Variants in GRXCR1 observed in about 807,000 individuals in gnomAD.
GRXCR1 encodes the protein glutaredoxin and cysteine rich domain containing 1, also known as glutaredoxin domain-containing cysteine-rich protein 1.
A neutral mutation model predicts 27.3 loss-of-function variants in GRXCR1; 27 were observed. The ratio of observed to expected loss-of-function variants is 0.99; its 90% CI spans 0.73 to 1.37. The LOEUF (loss-of-function observed/expected upper bound fraction) is 1.37. GRXCR1 is among the 40% of genes most tolerant of loss of function. The probability of loss-of-function intolerance (pLI) is 0.00; values close to 1 mark genes in which losing one functional copy is unlikely to be tolerated. For missense variants in GRXCR1, 379 were observed against 354.4 expected, an observed-to-expected ratio of 1.07 and a Z score of -0.56; for synonymous variants, 122 against 131.1, an observed-to-expected ratio of 0.93 and a Z score of 0.47.
At chr4:42,949,084 G>A (rs570704054) in intron 1 of GRXCR1, among the ~76,000 whole-genome samples, 15 of 152,106 alleles carry the variant, frequency 9.9e-5, no homozygotes, top group Admixed American at 6.5e-5. Flanking sequence ...GGCCAGGCCC[G>A]GTGGCTCACG....
At chr4:43,024,694 T>C (rs376223360) in intron 3 of GRXCR1, among the ~76,000 whole-genome samples, 1 of 152,326 alleles carries the variant, frequency 6.6e-6, no homozygotes, top group East Asian at 1.9e-4. Flanking sequence ...GAAACACTGA[T>C]GATCAGAAAA....
chr4:42,973,337 A>G (rs1193210901), intron 2 of GRXCR1, among the ~76,000 whole-genome samples: 3 of 152,138 alleles, frequency 2.0e-5, no homozygotes, highest in Admixed American at 6.6e-5. Flanking sequence ...TTAGTTTTCT[A>G]TTGTGATCCA....
At chr4:42,957,226 C>G (rs1400959594) in intron 1 of GRXCR1, among the ~76,000 whole-genome samples, 1 of 152,042 alleles carries the variant, frequency 6.6e-6, no homozygotes, top group Non-Finnish European at 1.5e-5. Context: ...TACCCACGCA[C>G]TATGCTTTCC....
chr4:42,996,333 T>G (rs1034935939), intron 2 of GRXCR1, among the ~76,000 whole-genome samples: 2 of 152,174 alleles, frequency 1.3e-5, no homozygotes, highest in African/African-American at 4.8e-5. Context: ...ATACACATTA[T>G]GGCAGGATAG....
At chr4:42,960,211 A>C (rs1406491746) in intron 1 of GRXCR1, among the ~76,000 whole-genome samples, 1 of 152,044 alleles carries the variant, frequency 6.6e-6, no homozygotes, top group African/African-American at 2.4e-5. Flanking sequence ...AAAGTATTTC[A>C]GAACAAATAA....
At chr4:43,017,090 T>G (rs1199606678) in intron 2 of GRXCR1, among the ~76,000 whole-genome samples, 1 of 152,214 alleles carries the variant, frequency 6.6e-6, no homozygotes, top group Admixed American at 6.5e-5. Flanking sequence ...TATGCAATTA[T>G]TCTAAATAAC....
rs1711721837 is a variant in GRXCR1 at position 42,986,307 on chromosome 4, GA to G, written c.627+23175del. On this transcript the variant is annotated intron_variant, in intron 2 of 3. Coordinates refer to ENST00000399770, the MANE Select transcript of GRXCR1 (RefSeq NM_001080476.3). The stretch of plus-strand genomic sequence containing the variant: ...CTCCAGCAGTAAGACTTAAAATGCT[GA>G]AGTGAGGGGCTCATTGTGAGCTTTT... Among the ~76,000 whole-genome samples, 4 of 152,330 alleles carry G rather than the reference GA, an allele frequency of 2.6e-5. No individual in the cohort carries two copies. The East Asian group carries it at 7.7e-4, about 29-fold the overall frequency.
chr4:42,955,905 G>T (rs553500838), intron 1 of GRXCR1, among the ~76,000 whole-genome samples: 2 of 152,184 alleles, frequency 1.3e-5, no homozygotes, highest in African/African-American at 4.8e-5. Flanking sequence ...CTGAGGAGCT[G>T]AGCCTGCTCC....
At chr4:42,929,792 G>A (rs181239254) in intron 1 of GRXCR1, among the ~76,000 whole-genome samples, 13 of 151,916 alleles carry the variant, frequency 8.6e-5, no homozygotes, top group Admixed American at 5.2e-4. Flanking sequence ...CCTTGATATA[G>A]CAATAATAAT....
intron 2 of GRXCR1, among the ~76,000 whole-genome samples, chr4:42,970,504 A>T (rs1360158839): frequency 6.6e-6 from 1 of 152,056 alleles, no homozygotes; most frequent in Non-Finnish European, 1.5e-5. Context: ...TGCAGGCCCA[A>T]CACCATGTGG....
chr4:42,964,796 A>G (rs924474832), intron 2 of GRXCR1, among the ~76,000 whole-genome samples: 2 of 152,054 alleles, frequency 1.3e-5, no homozygotes, highest in Admixed American at 1.3e-4. Flanking sequence ...GGATGGATGA[A>G]TTATGCTATA....
rs1385958093 is a variant in GRXCR1 at position 42,988,547 on chromosome 4, T to C, written c.627+25413T>C. On this transcript the variant is annotated intron_variant, in intron 2 of 3. Transcript: ENST00000399770. ...AATTCATACTGTATTATTAGGAAAT[T>C]GGAATAAAAGTAGAATTAAATGTTC... 1.3e-5 allele frequency among the ~76,000 whole-genome samples: 2 copies of C among 152,212 alleles called. 1 individual carries two copies. The highest frequency in any genetic ancestry group is 4.1e-4 in the South Asian group (2 of 4,830).
At chr4:43,010,358 G>A (rs543911782) in intron 2 of GRXCR1, among the ~76,000 whole-genome samples, 2 of 149,866 alleles carry the variant, frequency 1.3e-5, no homozygotes, top group African/African-American at 2.5e-5. Flanking sequence ...AGCCGAGATC[G>A]CACCATTGCA....
intron 1 of GRXCR1, among the ~76,000 whole-genome samples, chr4:42,938,528 G>GGTT (rs1747512128): frequency 6.6e-6 from 1 of 151,862 alleles, no homozygotes; most frequent in African/African-American, 2.4e-5. Context: ...TCTCTATAGT[G>GGTT]GTTGTACTCA....
At chr4:42,989,277 C>T (rs1711881285) in intron 2 of GRXCR1, among the ~76,000 whole-genome samples, 1 of 152,064 alleles carries the variant, frequency 6.6e-6, no homozygotes, top group Non-Finnish European at 1.5e-5. Flanking sequence ...CAGGTGGCTG[C>T]CTTCTTGGGG....
At chr4:42,948,272 G>A (rs1172890439) in intron 1 of GRXCR1, among the ~76,000 whole-genome samples, 1 of 149,676 alleles carries the variant, frequency 6.7e-6, no homozygotes, top group Non-Finnish European at 1.5e-5. Flanking sequence ...AAAGCATATT[G>A]CAAGATAAGA....
At chr4:42,981,709 T>C (rs1748673324) in intron 2 of GRXCR1, among the ~76,000 whole-genome samples, 2 of 152,168 alleles carry the variant, frequency 1.3e-5, no homozygotes, top group Admixed American at 1.3e-4. Context: ...GTATTCTTGG[T>C]TGACAGTTTT....
At chr4:43,025,105 C>A (rs1560692318) in intron 3 of GRXCR1, among the ~76,000 whole-genome samples, 1 of 152,096 alleles carries the variant, frequency 6.6e-6, no homozygotes. Flanking sequence ...TGGGGGTAAA[C>A]TTACATCTTG....
rs1399974325 is a variant in GRXCR1, at chr4:42,963,071, A to T, written c.564A>T (p.Arg188=). The change falls in exon 2 of 4, where the codon CGA becomes CGT. Residue 188 remains arginine, a synonymous_variant. Coordinates refer to ENST00000399770, the MANE Select transcript of GRXCR1 (RefSeq NM_001080476.3). ...NGEYGKELDE[R]CRRVSEAPSL... ...AATATGGAAAAGAGTTAGACGAACGATGCCGACGAGTTTCTGAAGCTCCTT... is the reference window on the plus strand; with the variant it reads ...AATATGGAAAAGAGTTAGACGAACGTTGCCGACGAGTTTCTGAAGCTCCTT... 1 of 1,612,792 alleles carries T rather than the reference A, an allele frequency of 6.2e-7. No homozygotes were observed. The highest frequency in any genetic ancestry group is 8.5e-7 in the Non-Finnish European group (1 of 1,179,124).
Sources: gnomAD v4.1 joint callset for allele counts (sites outside exome capture counted in the v4.1 genomes callset) on GRCh38, gnomAD v4.1.1 for gene constraint, MANE v1.5 for transcripts, NCBI Gene and HGNC (gene_info 2026-07-23, HGNC 2026-07-21) for gene names.